The following LRBA variants were observed in gnomAD, a reference collection of about 807,000 sequenced individuals.
The protein encoded by LRBA is LPS responsive beige-like anchor protein, also known as lipopolysaccharide-responsive and beige-like anchor protein.
Under a neutral mutation model 330.0 loss-of-function variants are expected in LRBA, and 176 were observed. The ratio of observed to expected loss-of-function variants is 0.53; its 90% CI spans 0.47 to 0.60. The LOEUF (loss-of-function observed/expected upper bound fraction) is 0.60, where lower values mean the gene tolerates loss of function less well. Ranked by LOEUF, LRBA falls within the 20% of genes least tolerant of loss-of-function variation. The probability of loss-of-function intolerance (pLI) is 0.00; values close to 1 mark genes in which losing one functional copy is unlikely to be tolerated. For synonymous variants in LRBA, 1,230 were observed against 1,193.0 expected (o/e 1.03, Z -0.64); for missense variants, 3,259 against 3,444.8 (o/e 0.95, Z 1.35).
At chr4:150,996,032 A>T (rs1016039069) in intron 2 of LRBA, among the ~76,000 whole-genome samples, 1 of 151,046 alleles carries the variant, frequency 6.6e-6, no homozygotes, top group African/African-American at 2.4e-5. Flanking sequence ...GTGATTCAGA[A>T]GATACATTTC....
intron 2 of LRBA, among the ~76,000 whole-genome samples, chr4:150,964,628 A>G (rs959898281): frequency 4.0e-5 from 6 of 151,394 alleles, no homozygotes; most frequent in South Asian, 4.2e-4. Flanking sequence ...AAGGCAGCAT[A>G]CTCGTTAAGA....
intron 40 of LRBA, among the ~76,000 whole-genome samples, chr4:150,516,042 G>A (rs1274278416): frequency 6.6e-6 from 1 of 151,590 alleles, no homozygotes; most frequent in Non-Finnish European, 1.5e-5. Flanking sequence ...TTTTTTAAAG[G>A]CTTCATAAAA....
At chr4:151,004,880 G>C (rs1363904356) in intron 2 of LRBA, among the ~76,000 whole-genome samples, 1 of 152,156 alleles carries the variant, frequency 6.6e-6, no homozygotes. Context: ...CCAGCTACTC[G>C]GGAGGCTGAA....
At chr4:150,552,025 T>C (rs531095053) in intron 40 of LRBA, among the ~76,000 whole-genome samples, 1 of 152,178 alleles carries the variant, frequency 6.6e-6, no homozygotes, top group South Asian at 2.1e-4. Flanking sequence ...TAGAGTCTCA[T>C]AAGGAGCACG....
chr4:150,501,299 C>T (rs985715162), intron 40 of LRBA, among the ~76,000 whole-genome samples: 3 of 152,202 alleles, frequency 2.0e-5, no homozygotes, highest in Admixed American at 6.5e-5. Flanking sequence ...GGATGGAGGG[C>T]CAACTCAGCT....
Position 150,851,955 on chromosome 4 carries a change from T to C in LRBA, c.3755A>G (p.Asp1252Gly). Residue 1252 changes from aspartate (D) to glycine (G), a missense_variant, in exon 23 of 57, where the codon GAT (aspartate) becomes GGT (glycine). Asp to Gly is a moderately conservative substitution (Grantham distance 94, BLOSUM62 -1). Coordinates refer to ENST00000651943, the MANE Select transcript of LRBA (RefSeq NM_001364905.1). ...GGCCTTCAACTCCAGCCTCTCAGTA[T>C]CTGTAGCAACATTGGAAACATCCAA... is the stretch of plus-strand genomic sequence containing the variant. ...AKLDVSNVATDTERLELKASP... is the reference protein window; with the variant it reads ...AKLDVSNVATGTERLELKASP... 1 of 1,614,138 alleles carries C rather than the reference T, an allele frequency of 6.2e-7. No individual in the cohort carries two copies. Among genetic ancestry groups the C allele is most frequent in the South Asian group, 1.1e-5 (1 of 91,068 alleles).
At chr4:150,825,497 G>T (rs1470745771) in intron 30 of LRBA, among the ~76,000 whole-genome samples, 2 of 152,108 alleles carry the variant, frequency 1.3e-5, no homozygotes, top group Non-Finnish European at 2.9e-5. Flanking sequence ...CTCCCAAATA[G>T]CTGGGATTAC....
chr4:150,813,357 T>A (rs1196243510), intron 31 of LRBA, among the ~76,000 whole-genome samples: 1 of 152,058 alleles, frequency 6.6e-6, no homozygotes, highest in East Asian at 1.9e-4. Context: ...TTTTAATACT[T>A]ATTAATTAGA....
intron 2 of LRBA, among the ~76,000 whole-genome samples, chr4:150,965,138 A>G (rs1738732500): frequency 6.6e-6 from 1 of 152,188 alleles, no homozygotes; most frequent in Admixed American, 6.5e-5. Flanking sequence ...CTAAGAATCT[A>G]TCCTATAGAT....
intron 27 of LRBA, 108 bp from the exon 28 acceptor site, chr4:150,844,315 T>C (rs1749535420): frequency 3.3e-6 from 2 of 603,154 alleles, no homozygotes; most frequent in Non-Finnish European, 5.3e-6. Context: ...AGCAAAGCTA[T>C]AGCATTCCTT....
chr4:150,470,898 A>C (rs1756044997), intron 43 of LRBA, among the ~76,000 whole-genome samples: 2 of 148,628 alleles, frequency 1.3e-5, no homozygotes, highest in Admixed American at 1.3e-4. Context: ...TTACTTCCTA[A>C]CTTTACTTTC....
chr4:150,577,507 T>C (rs1023935852), intron 40 of LRBA, among the ~76,000 whole-genome samples: 2 of 152,020 alleles, frequency 1.3e-5, no homozygotes, highest in Non-Finnish European at 2.9e-5. Flanking sequence ...GTTTCAAAGT[T>C]AGAATTTAGA....
intron 37 of LRBA, among the ~76,000 whole-genome samples, chr4:150,647,651 C>T (rs1306473701): frequency 6.6e-6 from 1 of 151,954 alleles, no homozygotes; most frequent in Non-Finnish European, 1.5e-5. Flanking sequence ...TTCCCACCTC[C>T]TTAAATGCTG....
At chr4:150,710,831 G>C (rs1286386539) in intron 36 of LRBA, among the ~76,000 whole-genome samples, 1 of 151,826 alleles carries the variant, frequency 6.6e-6, no homozygotes, top group Non-Finnish European at 1.5e-5. Context: ...AAGAAAAAGA[G>C]GCCCTTGTTT....
rs967292852 is a variant in LRBA, at chr4:150,383,365, G to C, written c.7194+32073C>G. Among the ~76,000 whole-genome samples the C allele has an allele frequency of 2.0e-5, 3 of 152,140 alleles. No homozygotes were observed. In the East Asian group the frequency reaches 5.8e-4, roughly 29 times the overall value. ...AGGGTCAAGTGATCCTCCCACTTCAGCCTCCCAAGTAGCTGGGACTACAGG... is the reference window on the plus strand; with the variant it reads ...AGGGTCAAGTGATCCTCCCACTTCACCCTCCCAAGTAGCTGGGACTACAGG... On this transcript the variant is annotated intron_variant, in intron 47 of 56. Coordinates refer to ENST00000651943, the MANE Select transcript of LRBA (RefSeq NM_001364905.1).
chr4:150,438,044 G>T (rs1351832292), intron 44 of LRBA, among the ~76,000 whole-genome samples: 1 of 152,146 alleles, frequency 6.6e-6, no homozygotes, highest in Admixed American at 6.5e-5. Flanking sequence ...GGAGTCTAAG[G>T]CTCAAAAAAT....
intron 38 of LRBA, among the ~76,000 whole-genome samples, chr4:150,595,688 G>A (rs1201317689): frequency 6.6e-6 from 1 of 151,902 alleles, no homozygotes; most frequent in Non-Finnish European, 1.5e-5. Flanking sequence ...GGACAGCACA[G>A]CACACTGATA....
chr4:150,568,213 T>C (rs938039721), intron 40 of LRBA, among the ~76,000 whole-genome samples: 56 of 152,048 alleles, frequency 3.7e-4, no homozygotes, highest in African/African-American at 1.4e-3. Flanking sequence ...GAGCTCTCTG[T>C]GTGGCATCCA....
chr4:150,419,633 CT>C (rs780382905), intron 46 of LRBA, among the ~76,000 whole-genome samples: 18,728 of 96,610 alleles, frequency 0.19, 713 homozygotes, highest in Non-Finnish European at 0.24. Flanking sequence ...CTGATAATAT[CT>C]TTTTTTTTTT....
Sources: allele counts gnomAD v4.1 joint callset (sites outside exome capture counted in the v4.1 genomes callset), GRCh38; gene constraint gnomAD v4.1.1; transcripts MANE v1.5; gene names NCBI Gene and HGNC (gene_info 2026-07-23, HGNC 2026-07-21).